DHRS12: variants seen among roughly 807,000 people sequenced by gnomAD.
DHRS12 encodes the protein dehydrogenase/reductase SDR family member 12.
In DHRS12, 29 loss-of-function variants were observed where a neutral mutation model predicts 32.1. The ratio of observed to expected loss-of-function variants is 0.90; its 90% confidence interval spans 0.67 to 1.23. The LOEUF (loss-of-function observed/expected upper bound fraction) is 1.23. Ranked by LOEUF, DHRS12 falls within the 50% of genes most tolerant of loss-of-function variation. The pLI is 0.00. For missense variants in DHRS12, 330 were observed against 337.2 expected (o/e 0.98, Z 0.17); for synonymous variants, 150 against 135.9 (o/e 1.10, Z -0.72).
At chr13:51,787,667 G>A (rs1012828286) in intron 4 of DHRS12, among the ~76,000 whole-genome samples, 1 of 141,468 alleles carries the variant, frequency 7.1e-6, no homozygotes, top group African/African-American at 2.6e-5. Flanking sequence ...TTAAATATAA[G>A]TATATATATT....
At position 51,769,232 on chromosome 13, in the gene DHRS12, G is replaced by C; in HGVS notation, c.621C>G (p.Ala207=). ...GCCACAGCATGGTGTCCGCGCCCTG[G>C]GCCTCGGAGCGCAGGCGGTCCCCGA... ...ARFGDRLRSE[A]QGADTMLWLA... is the part of the protein sequence containing the mutation. The change falls in exon 8 of 9, where the codon GCC becomes GCG. Residue 207 remains alanine, a synonymous_variant. Coordinates refer to ENST00000444610, the MANE Select transcript of DHRS12 (RefSeq NM_001377533.1). The C allele has an allele frequency of 6.3e-7, 1 of 1,587,852 alleles. No homozygotes were observed. The highest frequency in any genetic ancestry group is 8.6e-7 in the Non-Finnish European group (1 of 1,168,306).
intron 4 of DHRS12, among the ~76,000 whole-genome samples, chr13:51,777,789 G>A (rs535129770): frequency 6.6e-6 from 1 of 152,330 alleles, no homozygotes; most frequent in Admixed American, 6.5e-5. Flanking sequence ...TGAGAGTGAT[G>A]CCCTGAAAGG....
At chr13:51,775,964 A>C (rs1322954146) in intron 5 of DHRS12, 1 of 97,184 alleles carries the variant, frequency 1.0e-5, no homozygotes, top group Non-Finnish European at 2.0e-5. Flanking sequence ...CATGTATTCT[A>C]CAGTATTCTC....
At chr13:51,784,382 G>A (rs965015597) in intron 4 of DHRS12, among the ~76,000 whole-genome samples, 1 of 152,192 alleles carries the variant, frequency 6.6e-6, no homozygotes, top group Non-Finnish European at 1.5e-5. Flanking sequence ...ATTCCAGGCA[G>A]GGGAGCAGCA....
At chr13:51,768,377 G>C in intron 8 of DHRS12, 81 bp from the exon 9 acceptor site, 1 of 1,522,456 alleles carries the variant, frequency 6.6e-7, no homozygotes, top group Non-Finnish European at 8.8e-7. Context: ...CTCAGGCCTT[G>C]AACCGACGCC....
At chr13:51,787,607 C>T (rs1335356374) in intron 4 of DHRS12, among the ~76,000 whole-genome samples, 1 of 149,870 alleles carries the variant, frequency 6.7e-6, no homozygotes, top group Non-Finnish European at 1.5e-5. Context: ...TCTCTCTCAA[C>T]CTCAGTTTCC....
rs142758181 is a variant in DHRS12 at position 51,799,544 on chromosome 13, G to A, written c.116C>T (p.Ser39Leu). The change falls in exon 2 of 9, where the codon TCG becomes TTG. Residue 39 changes from serine (S) to leucine (L), a missense_variant. Physicochemically the swap from Ser to Leu is moderately radical, Grantham distance 145. Transcript: ENST00000444610. Reference sequence around the variant, plus strand: ...TTAGCAGCTGCTTACCTCGCTTGGCGATTTCAAGGGCAGTTGCTTTGCCAA... The same window carrying A: ...TTAGCAGCTGCTTACCTCGCTTGGCAATTTCAAGGGCAGTTGCTTTGCCAA... ...AALAKQLPLKSPSENIFLHIV... is the reference protein window; with the variant it reads ...AALAKQLPLKLPSENIFLHIV... The A allele has an allele frequency of 2.2e-5, 35 of 1,613,472 alleles. No homozygotes were observed. The highest frequency in any genetic ancestry group is 1.1e-4 in the African/African-American group (8 of 74,896).
chr13:51,793,426 T>A (rs1955371639), intron 2 of DHRS12, among the ~76,000 whole-genome samples: 1 of 152,178 alleles, frequency 6.6e-6, no homozygotes, highest in Admixed American at 6.5e-5. Flanking sequence ...AATCAAGCTA[T>A]AAAACTCAAA....
At chr13:51,755,473 A>T in the DHRS12 span, 11 of 1,607,426 alleles carry the variant, frequency 6.8e-6, no homozygotes, top group Non-Finnish European at 9.4e-6. Context: ...AGTGATATGG[A>T]TGCTTCATCA....
chr13:51,766,724 C>A (rs1953761888), downstream of DHRS12: 2 of 152,408 alleles, frequency 1.3e-5, no homozygotes, highest in East Asian at 3.9e-4. Context: ...ATACGTGTAG[C>A]CATTACCAAT....
intron 1 of DHRS12, 118 bp from the exon 2 acceptor site, chr13:51,799,785 T>C: frequency 1.7e-6 from 2 of 1,210,220 alleles, no homozygotes; most frequent in South Asian, 1.5e-5. Context: ...TCCCAACACA[T>C]CACGAAACTC....
At chr13:51,785,888 T>C (rs1256123201) in intron 4 of DHRS12, among the ~76,000 whole-genome samples, 2 of 152,206 alleles carry the variant, frequency 1.3e-5, no homozygotes, top group Non-Finnish European at 2.9e-5. Flanking sequence ...TTAGACTACC[T>C]CTGAGCCTCA....
chr13:51,767,423 CAG>C (rs1243806965), downstream of DHRS12: 3 of 152,216 alleles, frequency 2.0e-5, no homozygotes, highest in Non-Finnish European at 4.4e-5. Context: ...AGCCCTGGAT[CAG>C]AGTGTCTCCA....
At position 51,773,945 on chromosome 13, in the gene DHRS12, G is replaced by T; in HGVS notation, c.453C>A (p.Val151=). The T allele has an allele frequency of 1.9e-6, 3 of 1,613,958 alleles. No homozygotes were observed. The Admixed American group carries it at 5.0e-5, about 27-fold the overall frequency. The change falls in exon 6 of 9, where the codon GTC becomes GTA. Residue 151 remains valine (V), a synonymous_variant. Transcript: ENST00000444610. ...SERTPFDGTM[V]YAQNKRQQVV... ...CCTCACTGACCTTGTTTTGTGCATA[G>T]ACCATAGTTCCATCAAATGGTGTTC...
At chr13:51,767,776 TGGGGCGGGG>T (rs1185464570), downstream of DHRS12, 12,770 of 32,162 alleles carry the variant, frequency 0.4, 2,506 homozygotes, top group East Asian at 0.51. Context: ...AGCCCTCTCC[TGGGGCGGGG>T]GGGGGGGGGG....
At chr13:51,771,586 C>A in intron 7 of DHRS12, 1 of 1,546,274 alleles carries the variant, frequency 6.5e-7, no homozygotes, top group Non-Finnish European at 8.7e-7. Flanking sequence ...TGCTCCCGTT[C>A]CCACCATCTC....
the DHRS12 span, among the ~76,000 whole-genome samples, chr13:51,757,202 T>A: frequency 0.27 from 40,937 of 152,136 alleles, 6,944 homozygotes; most frequent in Middle Eastern, 0.39. Context: ...AAGATGCCCT[T>A]GCATAAGTAT....
At chr13:51,773,807 T>TA in intron 6 of DHRS12, 123 bp downstream of exon 6, 1 of 801,384 alleles carries the variant, frequency 1.2e-6, no homozygotes, top group Non-Finnish European at 2.1e-6. Flanking sequence ...TGAGGGAACA[T>TA]TTTCAGGTGC....
intron 4 of DHRS12, among the ~76,000 whole-genome samples, chr13:51,778,376 A>G (rs904327821): frequency 6.6e-6 from 1 of 152,234 alleles, no homozygotes; most frequent in Non-Finnish European, 1.5e-5. Context: ...AGTTGTTCAC[A>G]GCCCAATTTA....
Sources: gnomAD v4.1 joint callset for allele counts (sites outside exome capture counted in the v4.1 genomes callset) on GRCh38, gnomAD v4.1.1 for gene constraint, MANE v1.5 for transcripts, NCBI Gene and HGNC (gene_info 2026-07-23, HGNC 2026-07-21) for gene names.